The following MARCHF1 variants were observed in gnomAD, a reference collection of about 807,000 sequenced individuals.
The protein encoded by MARCHF1 is E3 ubiquitin-protein ligase MARCHF1.
A neutral mutation model predicts 54.2 loss-of-function variants in MARCHF1; 40 were observed. The observed-to-expected ratio is 0.74, with a 90% CI of 0.57 to 0.96. The LOEUF (loss-of-function observed/expected upper bound fraction) is 0.96, where lower values mean the gene tolerates loss of function less well. Among genes scored for constraint, MARCHF1 ranks in the 40% least tolerant of loss-of-function variants. The pLI is 0.00. For synonymous variants in MARCHF1, 236 were observed against 236.3 expected (o/e 1.00, Z 0.01); for missense variants, 586 against 656.5 (o/e 0.89, Z 1.17).
chr4:164,351,068 G>A (rs193246433), intron 1 of MARCHF1, among the ~76,000 whole-genome samples: 34 of 152,296 alleles, frequency 2.2e-4, no homozygotes, highest in Non-Finnish European at 5.9e-5. Flanking sequence ...CTTAAAAAAC[G>A]GCGCACCACA....
chr4:163,876,084 A>C (rs1022961518), intron 3 of MARCHF1, among the ~76,000 whole-genome samples: 1 of 152,140 alleles, frequency 6.6e-6, no homozygotes, highest in Non-Finnish European at 1.5e-5. Flanking sequence ...ATAAATATTC[A>C]CAGAAATTAT....
At chr4:164,002,538 T>TA (rs1313724846) in intron 2 of MARCHF1, among the ~76,000 whole-genome samples, 1 of 151,134 alleles carries the variant, frequency 6.6e-6, no homozygotes, top group African/African-American at 2.4e-5. Context: ...AAAAAAAACT[T>TA]AAAAAACCAG....
intron 1 of MARCHF1, among the ~76,000 whole-genome samples, chr4:164,194,004 C>T (rs17476230): frequency 0.38 from 56,534 of 147,692 alleles, 12,031 homozygotes; most frequent in Non-Finnish European, 0.49. Flanking sequence ...GACTATGGTT[C>T]AAGATTAGGA....
chr4:164,329,266 T>C (rs1735363354), intron 1 of MARCHF1, among the ~76,000 whole-genome samples: 2 of 152,218 alleles, frequency 1.3e-5, no homozygotes, highest in African/African-American at 4.8e-5. Context: ...CTGGTTCTTT[T>C]ATAATTCATA....
intron 3 of MARCHF1, among the ~76,000 whole-genome samples, chr4:163,857,055 T>C (rs1749787723): frequency 7.1e-6 from 1 of 140,210 alleles, no homozygotes; most frequent in African/African-American, 2.7e-5. Flanking sequence ...AATAAATAAA[T>C]AGTCTCAAAA....
rs75026427 is a variant in MARCHF1 at position 164,093,213 on chromosome 4, G to T, written c.-248+18375C>A. On this transcript the variant is annotated intron_variant, in intron 2 of 9. Coordinates refer to ENST00000514618, the MANE Select transcript of MARCHF1 (RefSeq NM_001394959.1). ...TGGAGATAGTATACCTTAAAGTGTG[G>T]TTTTTAAATTACAGTAGACCCAATT... 3.4e-3 allele frequency among the ~76,000 whole-genome samples: 522 copies of T among 152,122 alleles called. 5 individuals are homozygous for T. The highest frequency in any genetic ancestry group is 0.012 in the African/African-American group (483 of 41,508).
chr4:163,791,588 T>G (rs1412751314), intron 4 of MARCHF1, among the ~76,000 whole-genome samples: 1 of 152,006 alleles, frequency 6.6e-6, no homozygotes, highest in East Asian at 1.9e-4. Context: ...AGAATGAGAG[T>G]TGAGGCACTG....
intron 1 of MARCHF1, among the ~76,000 whole-genome samples, chr4:164,179,999 G>T (rs180743045): frequency 1.3e-5 from 2 of 149,164 alleles, no homozygotes; most frequent in African/African-American, 5.0e-5. Flanking sequence ...TGGACATTTG[G>T]GTTCATTCAC....
intron 4 of MARCHF1, among the ~76,000 whole-genome samples, chr4:163,746,841 C>T (rs1746376049): frequency 6.6e-6 from 1 of 152,182 alleles, no homozygotes; most frequent in African/African-American, 2.4e-5. Flanking sequence ...GAGCCATCAT[C>T]CTCATCATTG....
rs116592699 is a variant in MARCHF1, at chr4:164,188,977, C to A, written c.-322-77315G>T. Reference sequence around the variant, plus strand: ...AGCTAAATGTTATGAGGATCATTAACGAGCCTATGGCAGCTGCTATTGGTT... The same window carrying A: ...AGCTAAATGTTATGAGGATCATTAAAGAGCCTATGGCAGCTGCTATTGGTT... On this transcript the variant is annotated intron_variant, in intron 1 of 9. Transcript: ENST00000514618. 1,343 of 721,476 alleles carry A rather than the reference C, an allele frequency of 1.9e-3. 15 individuals are homozygous for A. The African/African-American group carries it at 0.021, about 11-fold the overall frequency. 44.7% of individuals were successfully genotyped at this position (721,476 alleles called of 1,614,324 possible).
intron 3 of MARCHF1, among the ~76,000 whole-genome samples, chr4:163,930,001 T>TATA (rs1553964020): frequency 7.5e-6 from 1 of 132,842 alleles, no homozygotes; most frequent in African/African-American, 2.8e-5. Flanking sequence ...TAATATATTA[T>TATA]ATATAAATAT....
At chr4:164,091,849 T>C (rs1001974831) in intron 2 of MARCHF1, among the ~76,000 whole-genome samples, 1 of 138,940 alleles carries the variant, frequency 7.2e-6, no homozygotes, top group East Asian at 2.2e-4. Context: ...AAATGGGAAG[T>C]ATATGTATAC....
chr4:164,379,023 A>C (rs902667804), intron 1 of MARCHF1, among the ~76,000 whole-genome samples: 1 of 152,170 alleles, frequency 6.6e-6, no homozygotes, highest in African/African-American at 2.4e-5. Context: ...GAGTCTTTAT[A>C]ATTTTTATAT....
At chr4:163,652,281 A>G (rs769615345) in intron 5 of MARCHF1, among the ~76,000 whole-genome samples, 5 of 151,852 alleles carry the variant, frequency 3.3e-5, no homozygotes, top group Non-Finnish European at 5.9e-5. Context: ...AAACACTTCT[A>G]TAGCTCCCTG....
At chr4:163,569,906 C>T (rs2110748272) in intron 8 of MARCHF1, among the ~76,000 whole-genome samples, 1 of 152,278 alleles carries the variant, frequency 6.6e-6, no homozygotes, top group African/African-American at 2.4e-5. Flanking sequence ...ATTAGTACAA[C>T]TCTTTAGAAA....
intron 5 of MARCHF1, among the ~76,000 whole-genome samples, chr4:163,652,536 T>G (rs1477735488): frequency 2.0e-5 from 3 of 151,814 alleles, no homozygotes; most frequent in Admixed American, 6.6e-5. Flanking sequence ...GCCCATCAAT[T>G]AACTTCATCT....
chr4:163,749,806 G>A (rs1024219847), intron 4 of MARCHF1, among the ~76,000 whole-genome samples: 1 of 151,976 alleles, frequency 6.6e-6, no homozygotes, highest in South Asian at 2.1e-4. Context: ...ACTCACACCT[G>A]TGATCCCCAC....
At chr4:164,365,089 TTCA>T (rs1459667570) in intron 1 of MARCHF1, among the ~76,000 whole-genome samples, 1 of 151,992 alleles carries the variant, frequency 6.6e-6, no homozygotes, top group Non-Finnish European at 1.5e-5. Flanking sequence ...TTACTATGTC[TTCA>T]TCATTCCCTG....
intron 8 of MARCHF1, among the ~76,000 whole-genome samples, chr4:163,573,446 G>A (rs1294532451): frequency 7.0e-6 from 1 of 143,702 alleles, no homozygotes; most frequent in Non-Finnish European, 1.5e-5. Context: ...ATATCTCCCA[G>A]TGCTATCCCT....
Sources: allele counts gnomAD v4.1 joint callset (sites outside exome capture counted in the v4.1 genomes callset), GRCh38; gene constraint gnomAD v4.1.1; transcripts MANE v1.5; gene names NCBI Gene and HGNC (gene_info 2026-07-23, HGNC 2026-07-21).